PCDHGA10: variants seen among roughly 807,000 people sequenced by gnomAD.
The protein encoded by PCDHGA10 is protocadherin gamma subfamily A, 10, also known as protocadherin gamma-A10.
In PCDHGA10, 42 loss-of-function variants were observed where a neutral mutation model predicts 59.5. That is an observed-to-expected ratio of 0.71 (90% CI 0.55 to 0.91). The LOEUF (loss-of-function observed/expected upper bound fraction) is 0.91. PCDHGA10 is among the 40% of genes least tolerant of loss of function. The pLI is 0.00. For synonymous variants in PCDHGA10, 511 were observed against 517.2 expected (o/e 0.99, Z 0.16); for missense variants, 1,111 against 1,198.2 (o/e 0.93, Z 1.07).
At chr5:141,494,514 G>T (rs1457018569) in intron 1 of PCDHGA10, among the ~76,000 whole-genome samples, 2 of 152,160 alleles carry the variant, frequency 1.3e-5, no homozygotes, top group South Asian at 2.1e-4. Context: ...TTTTGGCTCA[G>T]GAGTTCTGAC....
intron 1 of PCDHGA10, among the ~76,000 whole-genome samples, chr5:141,438,637 C>G (rs11958903): frequency 3.2e-5 from 1 of 30,940 alleles, no homozygotes. Context: ...TATATATATA[C>G]ACACACACAC....
intron 1 of PCDHGA10, among the ~76,000 whole-genome samples, chr5:141,449,762 G>T (rs909809198): frequency 6.6e-6 from 1 of 151,458 alleles, no homozygotes; most frequent in Non-Finnish European, 1.5e-5. Context: ...ACATTTGAGA[G>T]TAAGTTGTAG....
rs760676891 is a variant in PCDHGA10, at chr5:141,413,180, CCGCTCAAAGGAAT to C, written c.20_32del (p.Arg7GlnfsTer33). The C allele has an allele frequency of 6.9e-5, 111 of 1,602,612 alleles. No individual in the cohort carries two copies. The East Asian group carries it at 9.6e-4, about 14-fold the overall frequency. ...GAATTCTGTAACCAGACTACAATGG[CCGCTCAAAGGAAT>C]CGCTCAAAGGAATCAAAGGATTGCA... On this transcript the variant is annotated frameshift_variant, in exon 1 of 4. Transcript: ENST00000398610. LOFTEE classifies it high-confidence loss of function.
At chr5:141,451,352 A>G (rs2098714151) in intron 1 of PCDHGA10, among the ~76,000 whole-genome samples, 1 of 152,232 alleles carries the variant, frequency 6.6e-6, no homozygotes, top group Non-Finnish European at 1.5e-5. Flanking sequence ...AAGGGTCAAC[A>G]GAGGATGGAT....
rs148995268 is a variant in PCDHGA10, at chr5:141,486,253, C to T, written c.2437-8554C>T. On this transcript the variant is annotated intron_variant, in intron 1 of 3. Coordinates refer to ENST00000398610, the MANE Select transcript of PCDHGA10 (RefSeq NM_018913.3). The surrounding 1 kb of genome is among the most constrained non-coding windows in gnomAD (Gnocchi z 5.0). The stretch of plus-strand genomic sequence containing the variant: ...TGACCTCAGAGCTTGGAACCCTCCC[C>T]GAGAGTGCAGAACCTGGCACTGTGG... 8 of 1,614,020 alleles carry T rather than the reference C, an allele frequency of 5.0e-6. No individual in the cohort carries two copies. The African/African-American group carries it at 8.0e-5, about 16-fold the overall frequency.
rs773899530 is a variant in PCDHGA10 at position 141,494,864 on chromosome 5, G to C, written c.2494G>C (p.Gly832Arg). ...FSQAQRPGTS[G>R]SQNGDDTGTW... ...TCAGGCCCAGAGACCCGGCACCAGCGGGTAGGTGACTGATTCTCCAGCCCA... is the reference window on the plus strand; with the variant it reads ...TCAGGCCCAGAGACCCGGCACCAGCCGGTAGGTGACTGATTCTCCAGCCCA... The change falls in exon 2 of 4, where the codon GGC becomes CGC. Residue 832 changes from glycine (G) to arginine (R), a missense_variant and splice_region_variant. Transcript: ENST00000398610. The C allele has an allele frequency of 1.2e-6, 2 of 1,614,068 alleles. No individual in the cohort carries two copies. Among genetic ancestry groups the C allele is most frequent in the Middle Eastern group, 1.6e-4 (1 of 6,062 alleles).
Position 141,431,883 on chromosome 5 carries a change from A to T in PCDHGA10, c.2436+16272A>T, listed in dbSNP as rs748968989. 6.8e-6 allele frequency: 11 copies of T among 1,614,118 alleles called. No individual in the cohort carries two copies. The highest frequency in any genetic ancestry group is 1.1e-5 in the South Asian group (1 of 91,084). On this transcript the variant is annotated intron_variant, in intron 1 of 3. Transcript: ENST00000398610. The surrounding 1 kb of genome is among the most constrained non-coding windows in gnomAD (Gnocchi z 4.8). ...GCCCTTTTAAATGTAAATGACCAAG[A>T]TTCTGAGGAAAACGGACAGGTGATC...
At chr5:141,442,674 A>G (rs2098335634) in intron 1 of PCDHGA10, among the ~76,000 whole-genome samples, 1 of 152,272 alleles carries the variant, frequency 6.6e-6, no homozygotes, top group Non-Finnish European at 1.5e-5. Context: ...GGTGAGCTTG[A>G]GGGACAGTAG....
chr5:141,413,154 A>G lies in PCDHGA10; in HGVS notation c.-22A>G. ...ACAACGTGTCCAGTGAGGACTTTGC[A>G]GAATTCTGTAACCAGACTACAATGG... On this transcript the variant is annotated 5_prime_UTR_variant, in exon 1 of 4. Coordinates refer to ENST00000398610, the MANE Select transcript of PCDHGA10 (RefSeq NM_018913.3). The G allele has an allele frequency of 6.3e-7, 1 of 1,576,026 alleles. No homozygotes were observed. The highest frequency in any genetic ancestry group is 1.7e-4 in the Middle Eastern group (1 of 5,818).
intron 1 of PCDHGA10, among the ~76,000 whole-genome samples, chr5:141,454,730 A>C (rs2098797371): frequency 6.7e-6 from 1 of 150,092 alleles, no homozygotes; most frequent in Admixed American, 6.7e-5. Context: ...TATATGTTAT[A>C]GGATGAAAAG....
intron 1 of PCDHGA10, among the ~76,000 whole-genome samples, chr5:141,448,451 C>T (rs1261733103): frequency 6.6e-6 from 1 of 152,032 alleles, no homozygotes; most frequent in Admixed American, 6.6e-5. Context: ...GACTTCCATC[C>T]CTATCCTACT....
In PCDHGA10 at chr5:141,486,042, G is replaced by A; in HGVS notation, c.2437-8765G>A. The A allele has an allele frequency of 6.2e-7, 1 of 1,614,180 alleles. No individual in the cohort carries two copies. The highest frequency in any genetic ancestry group is 8.5e-7 in the Non-Finnish European group (1 of 1,180,030). On this transcript the variant is annotated intron_variant, in intron 1 of 3. Coordinates refer to ENST00000398610, the MANE Select transcript of PCDHGA10 (RefSeq NM_018913.3). This position sits in a 1 kb window ranked among gnomAD's most constrained non-coding sequence, Gnocchi z 5.0. The stretch of plus-strand genomic sequence containing the variant: ...AGTGGTCATACCCCTGATCGTGTAA[G>A]AAACCTCTTTAGCCTGCACCCCACT...
rs374200575 is a variant in PCDHGA10 at position 141,432,105 on chromosome 5, C to G, written c.2436+16494C>G. On this transcript the variant is annotated intron_variant, in intron 1 of 3. Transcript: ENST00000398610. This position sits in a 1 kb window ranked among gnomAD's most constrained non-coding sequence, Gnocchi z 6.0. The stretch of plus-strand genomic sequence containing the variant: ...AACGTGGCAGACACCAACGACAACC[C>G]GCCGGTCTTCCCTCAGGCCTCCTAT... 1.2e-6 allele frequency: 2 copies of G among 1,614,172 alleles called. No individual in the cohort carries two copies. Among genetic ancestry groups the G allele is most frequent in the Non-Finnish European group, 1.7e-6 (2 of 1,180,034 alleles).
intron 1 of PCDHGA10, among the ~76,000 whole-genome samples, chr5:141,453,492 G>T (rs1046043468): frequency 6.6e-6 from 1 of 152,000 alleles, no homozygotes; most frequent in Non-Finnish European, 1.5e-5. Flanking sequence ...AAAAAAAGGT[G>T]TACTCAGAAA....
At chr5:141,455,411 G>T (rs1292246147) in intron 1 of PCDHGA10, among the ~76,000 whole-genome samples, 1 of 152,096 alleles carries the variant, frequency 6.6e-6, no homozygotes, top group Non-Finnish European at 1.5e-5. Context: ...AGAGACAGAG[G>T]GAGCGGGGCT....
chr5:141,413,658 T>G lies in PCDHGA10; in HGVS notation c.483T>G (p.Ala161=), dbSNP rs2154544690. Residue 161 remains alanine, a synonymous_variant, in exon 1 of 4, where the codon GCT becomes GCG. Coordinates refer to ENST00000398610, the MANE Select transcript of PCDHGA10 (RefSeq NM_018913.3). Reference sequence around the variant, plus strand: ...GAATGCGTTTTCCTCTCCCGGAAGCTATTGATCCGGATGTGGGCGTGAACT... The same window carrying G: ...GAATGCGTTTTCCTCTCCCGGAAGCGATTGATCCGGATGTGGGCGTGAACT... ...AAGMRFPLPE[A]IDPDVGVNSL... 1 of 1,613,860 alleles carries G rather than the reference T, an allele frequency of 6.2e-7. No homozygotes were observed. The highest frequency in any genetic ancestry group is 2.2e-5 in the East Asian group (1 of 44,866).
chr5:141,477,287 G>T lies in PCDHGA10; in HGVS notation c.2437-17520G>T. ...CGAGAACGGGCTGGTGACCTGCGAA[G>T]TTCCACCGGGTCTCCCTTTCAGCCT... On this transcript the variant is annotated intron_variant, in intron 1 of 3. Coordinates refer to ENST00000398610, the MANE Select transcript of PCDHGA10 (RefSeq NM_018913.3). The surrounding 1 kb of genome is among the most constrained non-coding windows in gnomAD (Gnocchi z 4.9). The T allele has an allele frequency of 6.2e-7, 1 of 1,614,190 alleles. No homozygotes were observed.
At chr5:141,473,470 A>G (rs555568617) in intron 1 of PCDHGA10, among the ~76,000 whole-genome samples, 2 of 151,816 alleles carry the variant, frequency 1.3e-5, no homozygotes, top group South Asian at 4.2e-4. Flanking sequence ...AGTTGTGCCA[A>G]GTTCAATGGA....
chr5:141,450,826 A>ATTTTT (rs764729742), intron 1 of PCDHGA10, among the ~76,000 whole-genome samples: 2 of 134,302 alleles, frequency 1.5e-5, no homozygotes, highest in African/African-American at 2.9e-5. Flanking sequence ...TATTATTATT[A>ATTTTT]TTATTTTTTT....
Sources: allele counts gnomAD v4.1 joint callset (sites outside exome capture counted in the v4.1 genomes callset), GRCh38; gene constraint gnomAD v4.1.1; non-coding constraint Gnocchi (gnomAD v3.1); transcripts MANE v1.5; gene names NCBI Gene and HGNC (gene_info 2026-07-23, HGNC 2026-07-21).